The following FSTL5 variants were observed in gnomAD, a reference collection of about 807,000 sequenced individuals.
FSTL5 encodes follistatin like 5.
Under a neutral mutation model 89.1 loss-of-function variants are expected in FSTL5, and 62 were observed. The ratio of observed to expected loss-of-function variants is 0.70; its 90% CI spans 0.57 to 0.86. FSTL5 has a LOEUF of 0.86. Among genes scored for constraint, FSTL5 ranks in the 40% least tolerant of loss-of-function variants. The pLI is 0.00. For missense variants in FSTL5, 1,057 were observed against 1,001.6 expected (o/e 1.06, Z -0.75); for synonymous variants, 383 against 346.2 (o/e 1.11, Z -1.18).
At chr4:161,459,463 A>G (rs1233228488) in intron 13 of FSTL5, 144 bp from the exon 14 acceptor site, 1 of 535,150 alleles carries the variant, frequency 1.9e-6, no homozygotes, top group African/African-American at 1.9e-5. Context: ...CTTATTTGAT[A>G]TTTGAAAATA....
At chr4:161,514,023 T>C (rs1730736947) in intron 10 of FSTL5, among the ~76,000 whole-genome samples, 1 of 152,164 alleles carries the variant, frequency 6.6e-6, no homozygotes, top group South Asian at 2.1e-4. Context: ...TGATATTAGT[T>C]TGTCAATTAA....
chr4:161,768,024 A>G (rs1741078363), intron 5 of FSTL5, among the ~76,000 whole-genome samples: 1 of 152,146 alleles, frequency 6.6e-6, no homozygotes, highest in Non-Finnish European at 1.5e-5. Context: ...TCCCCACCCT[A>G]TCTTATCATG....
chr4:161,583,375 T>C (rs1280768157), intron 8 of FSTL5, among the ~76,000 whole-genome samples: 1 of 152,176 alleles, frequency 6.6e-6, no homozygotes, highest in Non-Finnish European at 1.5e-5. Context: ...AAGCTTATGA[T>C]ATTGATGACA....
intron 8 of FSTL5, among the ~76,000 whole-genome samples, chr4:161,557,967 C>CCTTAGG (rs552808769): frequency 5.4e-4 from 82 of 151,736 alleles, no homozygotes; most frequent in African/African-American, 1.9e-3. Context: ...GAGAATGTGT[C>CCTTAGG]CTTAGGAGAT....
chr4:161,886,269 T>G (rs746972175), intron 4 of FSTL5, among the ~76,000 whole-genome samples: 1 of 152,158 alleles, frequency 6.6e-6, no homozygotes, highest in African/African-American at 2.4e-5. Flanking sequence ...CTTCTCAAAG[T>G]GTGGACATTT....
intron 1 of FSTL5, among the ~76,000 whole-genome samples, chr4:162,125,575 T>C (rs1027496362): frequency 3.3e-5 from 5 of 152,134 alleles, no homozygotes; most frequent in Non-Finnish European, 7.4e-5. Flanking sequence ...CCACAGCTTT[T>C]AACTACTAGA....
At chr4:161,889,493 A>C (rs1732919146) in intron 4 of FSTL5, among the ~76,000 whole-genome samples, 1 of 151,978 alleles carries the variant, frequency 6.6e-6, no homozygotes, top group Admixed American at 6.5e-5. Context: ...AAAACACAAA[A>C]ATTTGCTAGG....
rs1322444908 is a variant in FSTL5 at position 161,619,907 on chromosome 4, C to T, written c.895-32332G>A. Among the ~76,000 whole-genome samples, 7 of 151,942 alleles carry T rather than the reference C, an allele frequency of 4.6e-5. No individual in the cohort carries two copies. In the East Asian group the frequency reaches 7.8e-4, roughly 17 times the overall value. ...ATGCACACGTATGTTTATTGCGGCA[C>T]TATTCACAATAGCAAAGACTTGGAA... On this transcript the variant is annotated intron_variant, in intron 7 of 15. Coordinates refer to ENST00000306100, the MANE Select transcript of FSTL5 (RefSeq NM_020116.5).
At chr4:162,093,232 G>A (rs1730618629) in intron 2 of FSTL5, among the ~76,000 whole-genome samples, 1 of 152,064 alleles carries the variant, frequency 6.6e-6, no homozygotes, top group East Asian at 1.9e-4. Context: ...ATACAGCAGT[G>A]CTCATTTTTT....
intron 10 of FSTL5, among the ~76,000 whole-genome samples, chr4:161,521,162 TCTC>T (rs1001654322): frequency 1.4e-4 from 22 of 152,202 alleles, no homozygotes; most frequent in African/African-American, 4.3e-4. Context: ...CAGTATCTGT[TCTC>T]CTAAAACATT....
intron 7 of FSTL5, among the ~76,000 whole-genome samples, chr4:161,635,753 T>C (rs1416122155): frequency 3.3e-5 from 5 of 152,162 alleles, no homozygotes; most frequent in Non-Finnish European, 5.9e-5. Context: ...TTGCAATTTC[T>C]CCACTGAAAG....
At chr4:161,703,538 A>G (rs937269337) in intron 6 of FSTL5, among the ~76,000 whole-genome samples, 3 of 151,970 alleles carry the variant, frequency 2.0e-5, no homozygotes, top group African/African-American at 7.3e-5. Flanking sequence ...CTCCCTTTCC[A>G]TCGATGTAGT....
At position 161,601,329 on chromosome 4, in the gene FSTL5, G is replaced by A. The variant is rs1158827850; in HGVS notation, c.895-13754C>T. ...AGTGACACAAAGTCTTAAATAGTTG[G>A]AAAAAAAAAAAAAAAAAAAAAGGCA... On this transcript the variant is annotated intron_variant, in intron 7 of 15. Coordinates refer to ENST00000306100, the MANE Select transcript of FSTL5 (RefSeq NM_020116.5). Among the ~76,000 whole-genome samples the A allele has an allele frequency of 4.3e-4, 46 of 107,516 alleles. 1 individual carries two copies. The highest frequency in any genetic ancestry group is 8.6e-4 in the East Asian group (3 of 3,486). The allele number at this position is 107,516 out of a possible 152,430, so 70.5% of individuals were successfully genotyped here.
intron 7 of FSTL5, among the ~76,000 whole-genome samples, chr4:161,604,678 T>C (rs144962749): frequency 0.014 from 2,119 of 152,222 alleles, 72 homozygotes; most frequent in South Asian, 0.14. Flanking sequence ...TAATGGGAGA[T>C]GCCCTGTTGG....
intron 4 of FSTL5, among the ~76,000 whole-genome samples, chr4:161,853,751 A>G (rs1731634171): frequency 6.6e-6 from 1 of 152,178 alleles, no homozygotes; most frequent in South Asian, 2.1e-4. Flanking sequence ...TATCCTGATC[A>G]GAAAAATACA....
chr4:161,986,789 A>G (rs1735975833), intron 3 of FSTL5, among the ~76,000 whole-genome samples: 1 of 152,138 alleles, frequency 6.6e-6, no homozygotes, highest in Non-Finnish European at 1.5e-5. Context: ...GGCACAGATC[A>G]CCATGTTTGA....
At chr4:161,980,258 GAAAAAAGAAAGAAAGA>G (rs1735784266) in intron 3 of FSTL5, among the ~76,000 whole-genome samples, 4 of 45,820 alleles carry the variant, frequency 8.7e-5, no homozygotes, top group African/African-American at 2.3e-4. Flanking sequence ...AAGGAAGAAA[GAAAAAAGAAAGAAAGA>G]AAGAAAGAAA....
chr4:161,994,919 G>T (rs1736244592), intron 3 of FSTL5, among the ~76,000 whole-genome samples: 1 of 152,092 alleles, frequency 6.6e-6, no homozygotes, highest in African/African-American at 2.4e-5. Context: ...TGCTTTTGTT[G>T]TGATTGCTTT....
chr4:161,921,630 T>C (rs1213598650), intron 3 of FSTL5, among the ~76,000 whole-genome samples: 1 of 152,050 alleles, frequency 6.6e-6, no homozygotes, highest in African/African-American at 2.4e-5. Context: ...TTACAGTAAT[T>C]TTTTGAGTAG....
Sources: allele counts gnomAD v4.1 joint callset (sites outside exome capture counted in the v4.1 genomes callset), GRCh38; gene constraint gnomAD v4.1.1; transcripts MANE v1.5; gene names NCBI Gene and HGNC (gene_info 2026-07-23, HGNC 2026-07-21).